The following RLIM variants were observed in gnomAD, a reference collection of about 807,000 sequenced individuals.
RLIM encodes ring finger protein, LIM domain interacting.
RLIM carries 2 observed loss-of-function variants against 34.0 expected under a neutral mutation model. That is an observed-to-expected ratio of 0.06 (90% CI 0.02 to 0.19). The LOEUF is 0.19. Among genes scored for constraint, RLIM ranks in the 10% least tolerant of loss-of-function variants. RLIM has a pLI of 1.00. For missense variants in RLIM, 286 were observed against 479.7 expected (o/e 0.60, Z 3.77); for synonymous variants, 169 against 164.0 (o/e 1.03, Z -0.23).
chrX:74,603,572 C>A (rs2079670044), intron 1 of RLIM, among the ~76,000 whole-genome samples: 1 of 111,817 alleles, frequency 8.9e-6, no homozygotes, highest in African/African-American at 3.3e-5. Context: ...CCCTTTAAAA[C>A]TTCTGCCAAA....
At chrX:74,612,336 C>T (rs1273655559) in intron 1 of RLIM, among the ~76,000 whole-genome samples, 1 of 111,574 alleles carries the variant, frequency 9.0e-6, no homozygotes, top group Non-Finnish European at 1.9e-5. Flanking sequence ...TATTGGTAAA[C>T]TTCAGACATT....
chrX:74,593,760 C>T (rs1250149458), intron 3 of RLIM, among the ~76,000 whole-genome samples: 1 of 112,145 alleles, frequency 8.9e-6, no homozygotes, highest in Non-Finnish European at 1.9e-5. Flanking sequence ...GGGAGGGAAA[C>T]ACCAGACCTG....
At chrX:74,608,192 T>C (rs908296675) in intron 1 of RLIM, among the ~76,000 whole-genome samples, 2 of 111,794 alleles carry the variant, frequency 1.8e-5, no homozygotes, top group Non-Finnish European at 3.8e-5. Context: ...TCCATCAATA[T>C]TAGAGTATTG....
rs1262753390 is a variant in RLIM at position 74,590,498 on chromosome X, C to CGGTT, written c.*938_*941dup. 8.9e-6 allele frequency: 1 copy of CGGTT among 112,611 alleles called. No homozygotes were observed. The highest frequency in any genetic ancestry group is 1.9e-5 in the Non-Finnish European group (1 of 53,266). 9.3% of individuals were successfully genotyped at this position (112,611 alleles called of 1,213,427 possible). A position where few individuals can be genotyped will look rare whatever the true frequency, so the allele number is the denominator to read the frequency against. The stretch of plus-strand genomic sequence containing the variant: ...ATACAATTTCCACTGGTCTTCAACA[C>CGGTT]GGTTTAATTCTGCACTGTCCTTTCC... On this transcript the variant is annotated 3_prime_UTR_variant, in exon 4 of 4. Transcript: ENST00000332687.
At chrX:74,606,331 C>A (rs899747950) in intron 1 of RLIM, among the ~76,000 whole-genome samples, 1 of 111,702 alleles carries the variant, frequency 9.0e-6, no homozygotes, top group Non-Finnish European at 1.9e-5. Context: ...AAGAGCTACT[C>A]ATCTGGTCAA....
chrX:74,591,732 A>T lies in RLIM; in HGVS notation c.1583T>A (p.Phe528Tyr), dbSNP rs1405556138. ...VTFDESGSLP[F>Y]LSLAQFFLLN... ...GAGGAAAAACTGAGCCAGGCTAAGG[A>T]AGGGCAAAGAGCCACTTTCATCAAA... Residue 528 changes from phenylalanine to tyrosine, a missense_variant, in exon 4 of 4, where the codon TTC becomes TAC. Around this residue, in one of 6 missense-constraint regions of RLIM, gnomAD observed 69 missense variants for 83.5 expected, o/e 0.83. Transcript: ENST00000332687. 2.5e-6 allele frequency: 3 copies of T among 1,211,753 alleles called. No individual in the cohort carries two copies.
intron 3 of RLIM, 58 bp downstream of exon 3, chrX:74,594,248 T>C (rs1410348227): frequency 4.7e-6 from 4 of 854,266 alleles, no homozygotes; most frequent in East Asian, 6.8e-5. Flanking sequence ...ACATTTACTA[T>C]TACAAAGTTC....
intron 1 of RLIM, among the ~76,000 whole-genome samples, chrX:74,600,755 T>G (rs1344174785): frequency 9.3e-6 from 1 of 107,638 alleles, no homozygotes; most frequent in African/African-American, 3.4e-5. Context: ...CTCACACCTG[T>G]AATCCCAGCA....
rs2079616066 is a variant in RLIM, at chrX:74,591,884, A to C, written c.1431T>G (p.Pro477=). ...AACTTTCACCACCGGAACTGGAACTAGGACTGGAACTGGAACTTGAACTGG... is the reference window on the plus strand; with the variant it reads ...AACTTTCACCACCGGAACTGGAACTCGGACTGGAACTGGAACTTGAACTGG... ...SSSSSSSSSS[P]SSSSGGESSE... is the part of the protein sequence containing the mutation. The change falls in exon 4 of 4, where the codon CCT becomes CCG. Residue 477 remains proline (P), a synonymous_variant. Coordinates refer to ENST00000332687, the MANE Select transcript of RLIM (RefSeq NM_016120.4). The C allele has an allele frequency of 8.3e-7, 1 of 1,211,185 alleles. No homozygotes were observed.
At chrX:74,600,881 G>A (rs1437939432) in intron 1 of RLIM, among the ~76,000 whole-genome samples, 2 of 107,367 alleles carry the variant, frequency 1.9e-5, no homozygotes, top group African/African-American at 3.4e-5. Context: ...AGAGCTTGGC[G>A]TGGTGGCCCA....
chrX:74,606,151 G>C (rs776122113), intron 1 of RLIM, among the ~76,000 whole-genome samples: 1 of 112,214 alleles, frequency 8.9e-6, no homozygotes, highest in East Asian at 2.8e-4. Context: ...AACCTAGATG[G>C]ACTTATTTTT....
chrX:74,600,314 A>C (rs1489422915), intron 1 of RLIM, among the ~76,000 whole-genome samples: 2 of 111,371 alleles, frequency 1.8e-5, no homozygotes, highest in East Asian at 5.6e-4. Flanking sequence ...AAAACAAAAA[A>C]AAACCCTGAA....
chrX:74,600,500 T>C lies in RLIM; in HGVS notation c.-23-4500A>G, dbSNP rs1296157996. Among the ~76,000 whole-genome samples the C allele has an allele frequency of 5.4e-5, 6 of 111,647 alleles. No homozygotes were observed. In the South Asian group the frequency reaches 1.1e-3, roughly 21 times the overall value. Reference sequence around the variant, plus strand: ...TGTTCTTAATAAAGCGGTTAGTAGTTTGAACGCTAATGCATGAAAGTTAAG... The same window carrying C: ...TGTTCTTAATAAAGCGGTTAGTAGTCTGAACGCTAATGCATGAAAGTTAAG... On this transcript the variant is annotated intron_variant, in intron 1 of 3. Transcript: ENST00000332687.
In RLIM at chrX:74,611,977, G is replaced by T. The variant is rs747220309; in HGVS notation, c.-24+2445C>A. 1.0e-3 allele frequency among the ~76,000 whole-genome samples: 114 copies of T among 111,656 alleles called. 1 individual carries two copies. The highest frequency in any genetic ancestry group is 3.6e-3 in the African/African-American group (110 of 30,760). On this transcript the variant is annotated intron_variant, in intron 1 of 3. Coordinates refer to ENST00000332687, the MANE Select transcript of RLIM (RefSeq NM_016120.4). ...CTAAGTATCCATCCCAGTTTGTCGGGGACAATCAAGGTTTGCACCTGCTGT... is the reference window on the plus strand; with the variant it reads ...CTAAGTATCCATCCCAGTTTGTCGGTGACAATCAAGGTTTGCACCTGCTGT...
chrX:74,599,610 C>T (rs1245326946), intron 1 of RLIM, among the ~76,000 whole-genome samples: 1 of 111,104 alleles, frequency 9.0e-6, no homozygotes, highest in Non-Finnish European at 1.9e-5. Flanking sequence ...GTTCCTTTGT[C>T]CTTTTGCCAT....
At chrX:74,610,312 G>T (rs1164516103) in intron 1 of RLIM, among the ~76,000 whole-genome samples, 1 of 110,886 alleles carries the variant, frequency 9.0e-6, no homozygotes, top group Non-Finnish European at 1.9e-5. Flanking sequence ...AGCTACTCGG[G>T]AGGCTGAGGC....
At chrX:74,608,511 T>C (rs1009461055) in intron 1 of RLIM, among the ~76,000 whole-genome samples, 2 of 109,999 alleles carry the variant, frequency 1.8e-5, no homozygotes, top group African/African-American at 3.3e-5. Context: ...AACTAAAAAA[T>C]TTGTTGATAA....
At chrX:74,596,569 C>A (rs768880502) in intron 1 of RLIM, among the ~76,000 whole-genome samples, 72 of 112,097 alleles carry the variant, frequency 6.4e-4, no homozygotes, top group Non-Finnish European at 9.0e-4. Context: ...TTTTTATTCT[C>A]CTTGCAACCT....
Position 74,584,781 on chromosome X carries a change from G to A in RLIM, c.*6659C>T. 8.9e-6 allele frequency among the ~76,000 whole-genome samples: 1 copy of A among 111,842 alleles called. No homozygotes were observed. Among genetic ancestry groups the A allele is most frequent in the East Asian group, 2.8e-4 (1 of 3,569 alleles). ...TCCTTTTCACTGACCTAAGATGCCT[G>A]TGCTTTGGCTTCATTGTCTAGAGCA... is the stretch of plus-strand genomic sequence containing the variant. On this transcript the variant is annotated 3_prime_UTR_variant, in exon 4 of 4. Transcript: ENST00000332687.
Sources: gnomAD v4.1 joint callset for allele counts (sites outside exome capture counted in the v4.1 genomes callset) on GRCh38, gnomAD v4.1.1 for gene constraint, gnomAD v4.1.1 regional missense constraint, MANE v1.5 for transcripts, NCBI Gene and HGNC (gene_info 2026-07-23, HGNC 2026-07-21) for gene names.